The following MMP16 variants were observed in gnomAD, a reference collection of about 807,000 sequenced individuals.
MMP16 encodes matrix metalloproteinase-16.
Under a neutral mutation model 67.8 loss-of-function variants are expected in MMP16, and 12 were observed. The ratio of observed to expected loss-of-function variants is 0.18; its 90% CI spans 0.11 to 0.29. MMP16 has a LOEUF of 0.29. Among genes scored for constraint, MMP16 ranks in the 10% least tolerant of loss-of-function variants. The probability of loss-of-function intolerance (pLI) is 1.00; values close to 1 mark genes in which losing one functional copy is unlikely to be tolerated. For missense variants in MMP16, 475 were observed against 765.7 expected, an observed-to-expected ratio of 0.62 and a Z score of 4.48; for synonymous variants, 249 against 255.9, an observed-to-expected ratio of 0.97 and a Z score of 0.26.
At chr8:88,043,347 G>A (rs1478192972) in intron 9 of MMP16, among the ~76,000 whole-genome samples, 30 of 152,124 alleles carry the variant, frequency 2.0e-4, no homozygotes, top group Admixed American at 1.4e-3. Context: ...GCAATGGCCC[G>A]ATCTTGGCTC....
At chr8:88,051,931 G>A (rs1242520475) in intron 8 of MMP16, among the ~76,000 whole-genome samples, 1 of 152,108 alleles carries the variant, frequency 6.6e-6, no homozygotes, top group Non-Finnish European at 1.5e-5. Flanking sequence ...AAAAGGGCAA[G>A]TAGGAATCTG....
In MMP16 at chr8:88,039,614, A is replaced by G. The variant is rs1808104561; in HGVS notation, c.*1847T>C. The G allele has an allele frequency of 6.6e-6, 1 of 152,656 alleles. No individual in the cohort carries two copies. Among genetic ancestry groups the G allele is most frequent in the Non-Finnish European group, 1.5e-5 (1 of 68,048 alleles). The allele number at this position is 152,656 out of a possible 1,614,324, so 9.5% of individuals were successfully genotyped here. ...ATGACAGTCAATAGATCAATAATCA[A>G]GTTCAAGGCAAGCTGTTCATTGTTT... On this transcript the variant is annotated 3_prime_UTR_variant, in exon 10 of 10. Transcript: ENST00000286614. This position sits in a 1 kb window ranked among gnomAD's most constrained non-coding sequence, Gnocchi z 4.5.
chr8:88,169,887 G>A (rs1808772244), intron 3 of MMP16, among the ~76,000 whole-genome samples: 1 of 152,102 alleles, frequency 6.6e-6, no homozygotes, highest in Non-Finnish European at 1.5e-5. Flanking sequence ...TGAAAAACTG[G>A]AGCGTCATGA....
At chr8:88,091,818 T>G (rs1563529051) in intron 6 of MMP16, among the ~76,000 whole-genome samples, 1 of 151,880 alleles carries the variant, frequency 6.6e-6, no homozygotes, top group Non-Finnish European at 1.5e-5. Flanking sequence ...ATTTAAAAAT[T>G]ACTTCCTTAG....
Position 88,056,232 on chromosome 8 carries a change from G to C in MMP16, c.1269C>G (p.Tyr423Ter). Residue 423 changes from tyrosine (Y) to a stop codon, truncating the protein, a stop_gained, in exon 8 of 10, where the codon TAC (tyrosine) becomes TAG (stop). Transcript: ENST00000286614. LOFTEE classifies it high-confidence loss of function. ...VFKDTTLQPG[Y>*]PHDLITLGSG... Reference sequence around the variant, plus strand: ...TTCCAAGGGTTATCAAGTCATGAGGGTAACCAGGTTGAAGAGTTGTATCCT... The same window carrying C: ...TTCCAAGGGTTATCAAGTCATGAGGCTAACCAGGTTGAAGAGTTGTATCCT... 1 of 1,597,550 alleles carries C rather than the reference G, an allele frequency of 6.3e-7. No individual in the cohort carries two copies. Among genetic ancestry groups the C allele is most frequent in the Non-Finnish European group, 8.5e-7 (1 of 1,170,074 alleles).
chr8:88,157,701 T>C (rs1373359106), intron 4 of MMP16, among the ~76,000 whole-genome samples: 1 of 152,138 alleles, frequency 6.6e-6, no homozygotes, highest in Non-Finnish European at 1.5e-5. Context: ...CTTTAAGTTC[T>C]AGGGTACATG....
chr8:88,273,140 G>C (rs1563580357), intron 1 of MMP16, among the ~76,000 whole-genome samples: 1 of 151,318 alleles, frequency 6.6e-6, no homozygotes, highest in Non-Finnish European at 1.5e-5. Context: ...CTGGAGTGCA[G>C]TGGCACGATC....
intron 6 of MMP16, among the ~76,000 whole-genome samples, chr8:88,103,389 A>G (rs1809177943): frequency 1.3e-5 from 2 of 151,782 alleles, no homozygotes; most frequent in African/African-American, 4.8e-5. Flanking sequence ...TCTAGCTACT[A>G]CTTGGTAGCT....
intron 4 of MMP16, among the ~76,000 whole-genome samples, chr8:88,125,790 GT>G (rs1807921229): frequency 6.6e-6 from 1 of 151,816 alleles, no homozygotes; most frequent in South Asian, 2.1e-4. Flanking sequence ...AACATTCTCA[GT>G]TATGTTTCAT....
intron 3 of MMP16, among the ~76,000 whole-genome samples, chr8:88,169,249 T>A (rs941316169): frequency 1.3e-5 from 2 of 152,168 alleles, no homozygotes; most frequent in Non-Finnish European, 2.9e-5. Flanking sequence ...AAAAATAATA[T>A]GCATATTATA....
chr8:88,254,625 T>C (rs958680847), intron 1 of MMP16, among the ~76,000 whole-genome samples: 19 of 152,106 alleles, frequency 1.2e-4, no homozygotes, highest in Non-Finnish European at 2.4e-4. Flanking sequence ...AAATATAAAA[T>C]AGATCAACTG....
intron 6 of MMP16, among the ~76,000 whole-genome samples, chr8:88,109,201 A>G (rs1273158296): frequency 6.6e-6 from 1 of 151,398 alleles, no homozygotes; most frequent in East Asian, 1.9e-4. Context: ...TCATTTATAT[A>G]GTCTTTATAG....
intron 1 of MMP16, among the ~76,000 whole-genome samples, chr8:88,270,904 C>G (rs1335202481): frequency 6.6e-6 from 1 of 152,174 alleles, no homozygotes; most frequent in Non-Finnish European, 1.5e-5. Flanking sequence ...TCCAGACATT[C>G]CAGCAACTAT....
intron 1 of MMP16, among the ~76,000 whole-genome samples, chr8:88,215,937 T>G (rs887494101): frequency 6.6e-6 from 1 of 152,192 alleles, no homozygotes; most frequent in African/African-American, 2.4e-5. Context: ...ATCATCTTGA[T>G]AGCCTTTAGA....
At chr8:88,170,124 T>C (rs1474982419) in intron 3 of MMP16, among the ~76,000 whole-genome samples, 1 of 152,150 alleles carries the variant, frequency 6.6e-6, no homozygotes. Flanking sequence ...GATATACCAA[T>C]GGATTAGACA....
rs1808056027 is a variant in MMP16 at position 88,036,493 on chromosome 8, C to A, written c.*4968G>T. The stretch of plus-strand genomic sequence containing the variant: ...TTCCTGGTTGCCGCTTTATTTATTA[C>A]ATAAAATTCTAATTTTTAAGATATA... On this transcript the variant is annotated 3_prime_UTR_variant, in exon 10 of 10. Coordinates refer to ENST00000286614, the MANE Select transcript of MMP16 (RefSeq NM_005941.5). 1 of 151,800 alleles carries A rather than the reference C, an allele frequency of 6.6e-6. No homozygotes were observed. Among genetic ancestry groups the A allele is most frequent in the African/African-American group, 2.4e-5 (1 of 41,438 alleles). 9.4% of individuals were successfully genotyped at this position (151,800 alleles called of 1,614,324 possible). A position where few individuals can be genotyped will look rare whatever the true frequency, so the allele number is the denominator to read the frequency against.
At chr8:88,292,301 T>C (rs185899715) in intron 1 of MMP16, among the ~76,000 whole-genome samples, 10 of 152,308 alleles carry the variant, frequency 6.6e-5, no homozygotes, top group African/African-American at 2.4e-4. Context: ...TAATCAATTG[T>C]GGGATTATGG....
chr8:88,198,999 A>G (rs1809299513), intron 1 of MMP16, among the ~76,000 whole-genome samples: 1 of 152,054 alleles, frequency 6.6e-6, no homozygotes, highest in Non-Finnish European at 1.5e-5. Flanking sequence ...TTGTTAACGT[A>G]ATGTCTCAAA....
chr8:88,151,474 C>A (rs1205427604), intron 4 of MMP16, among the ~76,000 whole-genome samples: 67 of 150,576 alleles, frequency 4.4e-4, no homozygotes, highest in Non-Finnish European at 8.3e-4. Context: ...TAAAGCACTC[C>A]TCAGCAAATG....
Sources: allele counts gnomAD v4.1 joint callset (sites outside exome capture counted in the v4.1 genomes callset), GRCh38; gene constraint gnomAD v4.1.1; non-coding constraint Gnocchi (gnomAD v3.1); transcripts MANE v1.5; gene names NCBI Gene and HGNC (gene_info 2026-07-23, HGNC 2026-07-21).